The following NFIB variants were observed in gnomAD, a reference collection of about 807,000 sequenced individuals.
NFIB encodes nuclear factor I B.
In NFIB, 11 loss-of-function variants were observed where a neutral mutation model predicts 61.5. The observed-to-expected ratio is 0.18, with a 90% CI of 0.11 to 0.30. The LOEUF (loss-of-function observed/expected upper bound fraction) is 0.30, where lower values mean the gene tolerates loss of function less well. Among genes scored for constraint, NFIB ranks in the 10% least tolerant of loss-of-function variants. The pLI, the probability that NFIB is intolerant of heterozygous loss-of-function variation, is 1.00. For synonymous variants in NFIB, 260 were observed against 216.5 expected, an observed-to-expected ratio of 1.20 and a Z score of -1.76; for missense variants, 471 against 608.9, an observed-to-expected ratio of 0.77 and a Z score of 2.38.
chr9:14,416,469 C>T, the NFIB span, among the ~76,000 whole-genome samples: 1 of 151,102 alleles, frequency 6.6e-6, no homozygotes, highest in African/African-American at 2.4e-5. Flanking sequence ...CCTGTGTAGG[C>T]CCAGGCTAAT....
the NFIB span, among the ~76,000 whole-genome samples, chr9:14,506,824 G>C: frequency 6.6e-6 from 1 of 152,160 alleles, no homozygotes. Flanking sequence ...GGTAGGTTTT[G>C]GCATGGGAGC....
chr9:14,122,624 C>A (rs1353374365), intron 7 of NFIB, among the ~76,000 whole-genome samples: 1 of 152,118 alleles, frequency 6.6e-6, no homozygotes. Context: ...AAAAACTGGG[C>A]ATCTTTTACT....
intron 2 of NFIB, among the ~76,000 whole-genome samples, chr9:14,235,855 G>A (rs540210639): frequency 6.6e-6 from 1 of 152,246 alleles, no homozygotes; most frequent in African/African-American, 2.4e-5. Flanking sequence ...TTATCCCCAA[G>A]GCTTGAACTT....
At chr9:14,429,861 CA>C in the NFIB span, among the ~76,000 whole-genome samples, 4 of 152,080 alleles carry the variant, frequency 2.6e-5, no homozygotes, top group Admixed American at 2.6e-4. Context: ...TATGCATTGG[CA>C]TATTTTTATT....
At chr9:14,199,346 T>C (rs1213274358) in intron 2 of NFIB, among the ~76,000 whole-genome samples, 1 of 152,174 alleles carries the variant, frequency 6.6e-6, no homozygotes, top group African/African-American at 2.4e-5. Flanking sequence ...ACCTCATCCC[T>C]GCCAAACCAG....
chr9:14,461,608 A>G, the NFIB span, among the ~76,000 whole-genome samples: 1 of 152,178 alleles, frequency 6.6e-6, no homozygotes, highest in Non-Finnish European at 1.5e-5. Context: ...CACACAGGAA[A>G]CCAAATGCCA....
intron 2 of NFIB, among the ~76,000 whole-genome samples, chr9:14,211,393 G>C (rs2050289101): frequency 6.6e-6 from 1 of 152,042 alleles, no homozygotes; most frequent in Admixed American, 6.5e-5. Flanking sequence ...CACAGAAACA[G>C]GATATAGGGA....
intron 2 of NFIB, among the ~76,000 whole-genome samples, chr9:14,238,487 G>C (rs201479221): frequency 1.3e-5 from 2 of 152,324 alleles, no homozygotes; most frequent in East Asian, 3.9e-4. Flanking sequence ...CAAACAGACA[G>C]AAGGGTGCAT....
chr9:14,388,723 G>C (rs114559806), intron 1 of NFIB, among the ~76,000 whole-genome samples: 3,064 of 152,216 alleles, frequency 0.02, 87 homozygotes, highest in African/African-American at 0.069. Context: ...TAGTGGATGA[G>C]GAAGTCTAAG....
intron 10 of NFIB, among the ~76,000 whole-genome samples, chr9:14,111,275 A>G (rs1244712599): frequency 6.6e-6 from 1 of 152,190 alleles, no homozygotes; most frequent in Non-Finnish European, 1.5e-5. Context: ...AATGGACTTT[A>G]GTAATCATAA....
chr9:14,505,708 G>C, the NFIB span, among the ~76,000 whole-genome samples: 4 of 152,138 alleles, frequency 2.6e-5, no homozygotes, highest in Non-Finnish European at 5.9e-5. Context: ...TTGGGGAGGG[G>C]GAACAGAGAG....
intron 3 of NFIB, among the ~76,000 whole-genome samples, chr9:14,166,223 C>T (rs981115437): frequency 6.6e-6 from 1 of 152,002 alleles, no homozygotes; most frequent in Admixed American, 6.6e-5. Flanking sequence ...TATGGTTATA[C>T]TTTCCTGTTC....
intron 6 of NFIB, among the ~76,000 whole-genome samples, chr9:14,126,660 G>A (rs979626994): frequency 6.6e-6 from 1 of 152,190 alleles, no homozygotes; most frequent in African/African-American, 2.4e-5. Context: ...AGGTCCCACA[G>A]GATGACGGGT....
Position 14,145,824 on chromosome 9 carries a change from A to AT in NFIB, c.925+864dup, listed in dbSNP as rs891906281. Among the ~76,000 whole-genome samples the AT allele has an allele frequency of 3.2e-3, 470 of 144,640 alleles. 2 individuals are homozygous for AT. Among genetic ancestry groups the AT allele is most frequent in the Middle Eastern group, 0.018 (5 of 280 alleles). 94.9% of individuals were successfully genotyped at this position (144,640 alleles called of 152,430 possible). A position where few individuals can be genotyped will look rare whatever the true frequency, so the allele number is the denominator to read the frequency against. On this transcript the variant is annotated intron_variant, in intron 6 of 10. Transcript: ENST00000380953. ...CACCACTATGCTTGGCTTACGTTTT[A>AT]TTTTTTTTTTGTAGAGATGGGGTCT...
the NFIB span, among the ~76,000 whole-genome samples, chr9:14,504,188 G>A: frequency 6.6e-6 from 1 of 152,242 alleles, no homozygotes; most frequent in South Asian, 2.1e-4. Context: ...TGGTCTATGT[G>A]CCTATTTTTA....
chr9:14,206,477 A>T (rs1274748990), intron 2 of NFIB, among the ~76,000 whole-genome samples: 4 of 150,712 alleles, frequency 2.7e-5, no homozygotes, highest in Admixed American at 2.0e-4. Flanking sequence ...CCTTACTAAC[A>T]CTCTTAAAAC....
the NFIB span, among the ~76,000 whole-genome samples, chr9:14,529,804 A>G: frequency 6.6e-6 from 1 of 152,200 alleles, no homozygotes; most frequent in Non-Finnish European, 1.5e-5. Flanking sequence ...AAAATAAATT[A>G]CGCAATAATT....
intron 2 of NFIB, among the ~76,000 whole-genome samples, chr9:14,259,653 T>C (rs548377848): frequency 2.6e-5 from 4 of 152,174 alleles, no homozygotes; most frequent in Admixed American, 1.3e-4. Flanking sequence ...GTAATCCCAG[T>C]ACTTTGGGAG....
chr9:14,398,946 T>A (rs760391340), exon 1 of NFIB: 32 of 285,944 alleles, frequency 1.1e-4, no homozygotes, highest in Non-Finnish European at 2.0e-4. Flanking sequence ...AGTCATTCAG[T>A]GTAGGCATTT....
Sources: allele counts gnomAD v4.1 joint callset (sites outside exome capture counted in the v4.1 genomes callset), GRCh38; gene constraint gnomAD v4.1.1; transcripts MANE v1.5; gene names NCBI Gene and HGNC (gene_info 2026-07-23, HGNC 2026-07-21).